Variants in ZNF7 observed in about 807,000 individuals in gnomAD.
ZNF7 encodes zinc finger protein 7.
ZNF7 carries 10 observed loss-of-function variants against 12.0 expected under a neutral mutation model. The observed-to-expected ratio is 0.83, with a 90% CI of 0.51 to 1.42. The LOEUF is 1.42. Among genes scored for constraint, ZNF7 ranks in the 40% most tolerant of loss-of-function variants. The pLI is 0.00. For synonymous variants in ZNF7, 334 were observed against 295.0 expected (o/e 1.13, Z -1.35); for missense variants, 854 against 837.2 (o/e 1.02, Z -0.25).
intron 4 of ZNF7, chr8:144,838,131 G>T: frequency 1.4e-6 from 1 of 702,964 alleles, no homozygotes; most frequent in South Asian, 1.5e-5. Context: ...GCAGTCCTTG[G>T]GTTCCTTGGC....
At position 144,843,087 on chromosome 8, in the gene ZNF7, G is replaced by C. The variant is rs142794174; in HGVS notation, c.1980G>C (p.Lys660Asn). 7.4e-6 allele frequency: 12 copies of C among 1,613,082 alleles called. No homozygotes were observed. The African/African-American group carries it at 1.5e-4, about 20-fold the overall frequency. Residue 660 changes from lysine (K) to asparagine (N), a missense_variant, in exon 5 of 5, where the codon AAG becomes AAC. Coordinates refer to ENST00000532777, the MANE Select transcript of ZNF7 (RefSeq NM_003416.4). ...IIHQRIHTGE[K>N]PYKCNDCGKA... ...ACCAGAGAATTCACACCGGGGAGAAGCCTTATAAATGCAATGACTGTGGCA... is the reference window on the plus strand; with the variant it reads ...ACCAGAGAATTCACACCGGGGAGAACCCTTATAAATGCAATGACTGTGGCA...
chr8:144,832,923 C>T lies in ZNF7; in HGVS notation c.130+3319C>T, dbSNP rs187103901. Among the ~76,000 whole-genome samples the T allele has an allele frequency of 7.9e-5, 12 of 151,226 alleles. No homozygotes were observed. The East Asian group carries it at 2.0e-3, about 25-fold the overall frequency. ...ATTAAACAGTCTCCTTGGCCAGGCTCGGTGGCTCACACCTGTAATCCCAGC... is the reference window on the plus strand; with the variant it reads ...ATTAAACAGTCTCCTTGGCCAGGCTTGGTGGCTCACACCTGTAATCCCAGC... On this transcript the variant is annotated intron_variant, in intron 3 of 4. Transcript: ENST00000532777.
At chr8:144,844,492 T>C (rs2975304), downstream of ZNF7, among the ~76,000 whole-genome samples, 59,896 of 151,250 alleles carry the variant, frequency 0.4, 12,271 homozygotes, top group African/African-American at 0.51. Flanking sequence ...GGGTGGATCA[T>C]GAGGTCAGGA....
intron 4 of ZNF7, chr8:144,838,277 G>A (rs1219377992): frequency 3.3e-6 from 2 of 600,610 alleles, no homozygotes; most frequent in Non-Finnish European, 6.0e-6. Context: ...GTGACCTCAT[G>A]GTGACTAATT....
intron 4 of ZNF7, chr8:144,838,006 A>G (rs1248692177): frequency 5.7e-6 from 4 of 695,848 alleles, no homozygotes; most frequent in Non-Finnish European, 1.1e-5. Flanking sequence ...ATTGTCTCAC[A>G]GCTGTGGAGG....
Position 144,829,033 on chromosome 8 carries a change from T to C in ZNF7, c.-45-10T>C, listed in dbSNP as rs2130527673. ...ACCTTGACCTCTAATCCTTTCATAATTGCCAACAGGTCTCTCGGCCAGAAC... is the reference window on the plus strand; with the variant it reads ...ACCTTGACCTCTAATCCTTTCATAACTGCCAACAGGTCTCTCGGCCAGAAC... On this transcript the variant is annotated splice_polypyrimidine_tract_variant and intron_variant, in intron 1 of 4. Coordinates refer to ENST00000532777, the MANE Select transcript of ZNF7 (RefSeq NM_003416.4). The C allele has an allele frequency of 1.2e-6, 2 of 1,613,332 alleles. No homozygotes were observed. The highest frequency in any genetic ancestry group is 4.5e-5 in the East Asian group (2 of 44,854).
At chr8:144,831,060 T>C (rs1444320379) in intron 3 of ZNF7, 1 of 456,080 alleles carries the variant, frequency 2.2e-6, no homozygotes, top group African/African-American at 2.0e-5. Flanking sequence ...CTTCATCCAG[T>C]GAGCTTGGTG....
chr8:144,829,278 G>T, intron 2 of ZNF7, 188 bp downstream of exon 2: 1 of 1,532,078 alleles, frequency 6.5e-7, no homozygotes, highest in South Asian at 1.2e-5. Context: ...CTCTTGAGGG[G>T]GGAGGGTTGT....
chr8:144,840,971 G>A (rs986031996), intron 4 of ZNF7: 25 of 201,566 alleles, frequency 1.2e-4, no homozygotes, highest in South Asian at 2.0e-4. Flanking sequence ...CTGTTTCCTC[G>A]CCAGCTCGGA....
chr8:144,844,377 G>C (rs961351833), downstream of ZNF7, among the ~76,000 whole-genome samples: 6 of 152,238 alleles, frequency 3.9e-5, 1 homozygote, highest in Admixed American at 3.3e-4. Context: ...TTTTTGGTAG[G>C]GGGGAACGCG....
chr8:144,841,815 G>T lies in ZNF7; in HGVS notation c.708G>T (p.Leu236Phe), dbSNP rs751813477. The change falls in exon 5 of 5, where the codon TTG (leucine) becomes TTT (phenylalanine). Residue 236 changes from leucine to phenylalanine, a missense_variant. Coordinates refer to ENST00000532777, the MANE Select transcript of ZNF7 (RefSeq NM_003416.4). ...GCCAAAAAAAGTTATCTGACTGCTT[G>T]CAGGGGAAACATACAAATAACTGCC... The part of the protein sequence containing the change: ...QECQKKLSDC[L>F]QGKHTNNCHG... The T allele has an allele frequency of 1.2e-6, 2 of 1,614,194 alleles. No homozygotes were observed. Among genetic ancestry groups the T allele is most frequent in the Non-Finnish European group, 1.7e-6 (2 of 1,180,044 alleles).
At chr8:144,830,679 G>A (rs1828340451) in intron 3 of ZNF7, among the ~76,000 whole-genome samples, 1 of 150,722 alleles carries the variant, frequency 6.6e-6, no homozygotes, top group Non-Finnish European at 1.5e-5. Flanking sequence ...ATTTAGATGT[G>A]GTTTACCCTG....
downstream of ZNF7, chr8:144,847,470 G>T (rs574008605): frequency 6.6e-6 from 1 of 152,244 alleles, no homozygotes; most frequent in South Asian, 2.1e-4. Context: ...AACATTTTGG[G>T]TTTCTGTTTT....
At chr8:144,841,027 C>T (rs142611721) in intron 4 of ZNF7, 4 of 262,492 alleles carry the variant, frequency 1.5e-5, no homozygotes, top group East Asian at 7.9e-5. Context: ...TAGCTTCCCA[C>T]CCTTCTGGTC....
chr8:144,834,698 G>C (rs1442061889), intron 3 of ZNF7: 3 of 147,488 alleles, frequency 2.0e-5, no homozygotes, highest in Admixed American at 6.8e-5. Flanking sequence ...TTGTGTTTCT[G>C]TTCATAAGTG....
chr8:144,838,388 A>G, intron 4 of ZNF7: 1 of 475,848 alleles, frequency 2.1e-6, no homozygotes, highest in South Asian at 3.4e-5. Context: ...CAGGGCACCC[A>G]CTGCCTCCGG....
intron 3 of ZNF7, chr8:144,835,917 A>G (rs1828931359): frequency 6.6e-6 from 1 of 151,870 alleles, no homozygotes; most frequent in Non-Finnish European, 1.5e-5. Flanking sequence ...CCTTCAGGTG[A>G]TCCACCCGCC....
At chr8:144,836,251 C>G (rs948366852) in intron 3 of ZNF7, 2 of 152,112 alleles carry the variant, frequency 1.3e-5, no homozygotes, top group African/African-American at 4.8e-5. Flanking sequence ...TAGGTTGAGG[C>G]GGGAGGATTG....
downstream of ZNF7, among the ~76,000 whole-genome samples, chr8:144,844,966 T>G (rs910019153): frequency 6.6e-6 from 1 of 151,610 alleles, no homozygotes; most frequent in Non-Finnish European, 1.5e-5. Context: ...GGAAAAGAAC[T>G]TGAGCTGCAG....
Sources: allele counts gnomAD v4.1 joint callset (sites outside exome capture counted in the v4.1 genomes callset), GRCh38; gene constraint gnomAD v4.1.1; transcripts MANE v1.5; gene names NCBI Gene and HGNC (gene_info 2026-07-23, HGNC 2026-07-21).